NAALADL2: variants seen among roughly 807,000 people sequenced by gnomAD.
NAALADL2 encodes N-acetylated alpha-linked acidic dipeptidase like 2, also known as inactive N-acetylated-alpha-linked acidic dipeptidase-like protein 2.
NAALADL2 carries 76 observed loss-of-function variants against 87.2 expected under a neutral mutation model. The observed-to-expected ratio is 0.87, with a 90% CI of 0.72 to 1.05. NAALADL2 has a LOEUF of 1.05. NAALADL2 is among the 50% of genes least tolerant of loss of function. The pLI is 0.00. For synonymous variants in NAALADL2, 354 were observed against 331.0 expected (o/e 1.07, Z -0.75); for missense variants, 1,089 against 945.8 (o/e 1.15, Z -1.99).
At chr3:175,265,279 G>A (rs1175831026) in intron 4 of NAALADL2, among the ~76,000 whole-genome samples, 2 of 151,578 alleles carry the variant, frequency 1.3e-5, no homozygotes, top group Non-Finnish European at 3.0e-5. Flanking sequence ...GTTTTCTTAT[G>A]TATTTCAGTT....
intron 1 of NAALADL2, among the ~76,000 whole-genome samples, chr3:174,870,054 C>T (rs1009267773): frequency 3.0e-5 from 4 of 135,258 alleles, no homozygotes; most frequent in African/African-American, 1.1e-4. Flanking sequence ...GTCAGTTTCA[C>T]AGAGATGTGA....
intron 3 of NAALADL2, among the ~76,000 whole-genome samples, chr3:175,254,564 C>T (rs756710462): frequency 1.3e-5 from 2 of 152,108 alleles, no homozygotes; most frequent in African/African-American, 4.8e-5. Flanking sequence ...TTTCCTTGAC[C>T]TCTGCTACAT....
chr3:174,609,760 A>G (rs1210857274), intron 2 of NAALADL2, among the ~76,000 whole-genome samples: 2 of 152,168 alleles, frequency 1.3e-5, no homozygotes, highest in Admixed American at 6.5e-5. Flanking sequence ...TATAGATTCA[A>G]TGTCATCCCC....
At chr3:175,370,172 G>T (rs114892183) in intron 5 of NAALADL2, among the ~76,000 whole-genome samples, 157 of 152,166 alleles carry the variant, frequency 1.0e-3, no homozygotes, top group African/African-American at 3.7e-3. Context: ...AAAAAAAGAC[G>T]TTTTATCTTA....
intron 1 of NAALADL2, among the ~76,000 whole-genome samples, chr3:174,531,334 A>G (rs977383093): frequency 6.6e-6 from 1 of 152,046 alleles, no homozygotes; most frequent in Non-Finnish European, 1.5e-5. Context: ...GCACTCAAGT[A>G]GAGCACTCAT....
At chr3:175,303,673 G>C (rs9829174) in intron 4 of NAALADL2, among the ~76,000 whole-genome samples, 73,069 of 152,004 alleles carry the variant, frequency 0.48, 18,377 homozygotes, top group African/African-American at 0.63. Flanking sequence ...GGTTTGGCCT[G>C]CATTCCCATT....
At chr3:174,513,902 A>G (rs920672374) in intron 1 of NAALADL2, among the ~76,000 whole-genome samples, 3 of 152,244 alleles carry the variant, frequency 2.0e-5, no homozygotes, top group South Asian at 2.1e-4. Flanking sequence ...CTTCAGCGTC[A>G]TGTCTTGCCT....
chr3:175,269,665 G>C (rs1326284711), intron 4 of NAALADL2, among the ~76,000 whole-genome samples: 1 of 152,220 alleles, frequency 6.6e-6, no homozygotes, highest in Non-Finnish European at 1.5e-5. Context: ...GGTCACTGCT[G>C]TATGGTAAGT....
chr3:174,968,890 T>C (rs1439431618), intron 1 of NAALADL2, among the ~76,000 whole-genome samples: 1 of 152,188 alleles, frequency 6.6e-6, no homozygotes, highest in Admixed American at 6.5e-5. Flanking sequence ...CCACTGGTTT[T>C]TAAATAAGGA....
chr3:175,115,343 A>T (rs1724936292), intron 2 of NAALADL2: 1 of 151,526 alleles, frequency 6.6e-6, no homozygotes, highest in Non-Finnish European at 1.5e-5. Context: ...GATGTCACAA[A>T]GGTTAGTTAC....
At chr3:175,130,191 A>T (rs1727609010) in intron 2 of NAALADL2, among the ~76,000 whole-genome samples, 1 of 133,834 alleles carries the variant, frequency 7.5e-6, no homozygotes, top group African/African-American at 2.6e-5. Flanking sequence ...TAAGTCCTTT[A>T]TAACTTTTGT....
chr3:175,498,631 A>G (rs193271869), intron 9 of NAALADL2, among the ~76,000 whole-genome samples: 1 of 152,226 alleles, frequency 6.6e-6, no homozygotes, highest in African/African-American at 2.4e-5. Context: ...TCTAATCTCT[A>G]CATGACTATT....
chr3:174,898,112 C>CAAAAAAA (rs913382744), intron 1 of NAALADL2, among the ~76,000 whole-genome samples: 202 of 14,496 alleles, frequency 0.014, 26 homozygotes, highest in Non-Finnish European at 0.016. Flanking sequence ...GACTCCGTCT[C>CAAAAAAA]AAAAAAAAAA....
chr3:175,308,086 T>G (rs1757929675), intron 4 of NAALADL2, among the ~76,000 whole-genome samples: 1 of 152,196 alleles, frequency 6.6e-6, no homozygotes, highest in African/African-American at 2.4e-5. Flanking sequence ...TTAATCAAGT[T>G]TAGATGTATT....
At chr3:174,712,631 C>A (rs907347743) in intron 2 of NAALADL2, among the ~76,000 whole-genome samples, 30 of 151,886 alleles carry the variant, frequency 2.0e-4, no homozygotes, top group Non-Finnish European at 3.8e-4. Flanking sequence ...CATGATCCAC[C>A]CGCCTCAGCC....
chr3:175,529,724 G>A (rs145740257), intron 9 of NAALADL2, among the ~76,000 whole-genome samples: 1 of 152,204 alleles, frequency 6.6e-6, no homozygotes, highest in Admixed American at 6.5e-5. Context: ...TAGCCGTAAA[G>A]TAAGCACCTT....
At chr3:174,894,737 C>T (rs1182654201) in intron 1 of NAALADL2, among the ~76,000 whole-genome samples, 1 of 149,568 alleles carries the variant, frequency 6.7e-6, no homozygotes, top group Admixed American at 6.7e-5. Context: ...GCAGAATACA[C>T]ACTCTTTTTC....
chr3:174,644,410 T>C (rs945978491), intron 2 of NAALADL2, among the ~76,000 whole-genome samples: 6 of 152,300 alleles, frequency 3.9e-5, no homozygotes, highest in Non-Finnish European at 8.8e-5. Context: ...TGGAAGTGGA[T>C]CACCTACTCA....
intron 4 of NAALADL2, among the ~76,000 whole-genome samples, chr3:175,297,759 T>C (rs1007083259): frequency 6.6e-6 from 1 of 152,188 alleles, no homozygotes; most frequent in African/African-American, 2.4e-5. Context: ...AGACTTCATT[T>C]GGTTATATTA....
Sources: gnomAD v4.1 joint callset for allele counts (sites outside exome capture counted in the v4.1 genomes callset) on GRCh38, gnomAD v4.1.1 for gene constraint, MANE v1.5 for transcripts, NCBI Gene and HGNC (gene_info 2026-07-23, HGNC 2026-07-21) for gene names.